Variants in PALM2AKAP2 observed in about 807,000 individuals in gnomAD.
The protein encoded by PALM2AKAP2 is PALM2 and AKAP2 fusion.
Under a neutral mutation model 71.5 loss-of-function variants are expected in PALM2AKAP2, and 37 were observed. The observed-to-expected ratio is 0.52, with a 90% confidence interval of 0.40 to 0.68. The LOEUF (loss-of-function observed/expected upper bound fraction) is 0.68, where lower values mean the gene tolerates loss of function less well. PALM2AKAP2 is among the 30% of genes least tolerant of loss of function. The pLI is 0.00. For missense variants in PALM2AKAP2, 1,224 were observed against 1,191.8 expected, an observed-to-expected ratio of 1.03 and a Z score of -0.40; for synonymous variants, 468 against 478.8, an observed-to-expected ratio of 0.98 and a Z score of 0.29.
chr9:109,659,155 TGAA>T (rs1827351266), intron 1 of PALM2AKAP2, among the ~76,000 whole-genome samples: 1 of 152,010 alleles, frequency 6.6e-6, no homozygotes, highest in Admixed American at 6.6e-5. Context: ...TTTTTGTGTG[TGAA>T]GGAGGGATTG....
intron 5 of PALM2AKAP2, among the ~76,000 whole-genome samples, chr9:109,931,038 G>A (rs752669235): frequency 4.6e-5 from 7 of 152,218 alleles, no homozygotes; most frequent in Non-Finnish European, 8.8e-5. Flanking sequence ...TGATATGGTC[G>A]TGATGCAAGG....
chr9:109,702,170 A>G (rs10739283), intron 1 of PALM2AKAP2, among the ~76,000 whole-genome samples: 150,514 of 151,982 alleles, frequency 0.99, 74,536 homozygotes, highest in East Asian at 1. Context: ...AACCATTGTG[A>G]AAGTCAGTGT....
At chr9:110,156,985 A>G (rs1283866662) in intron 3 of PALM2AKAP2, among the ~76,000 whole-genome samples, 1 of 152,210 alleles carries the variant, frequency 6.6e-6, no homozygotes, top group South Asian at 2.1e-4. Context: ...GGGGCTGTTA[A>G]CAAGCCCATG....
intron 1 of PALM2AKAP2, among the ~76,000 whole-genome samples, chr9:109,844,956 T>TGTGTGTGTGC (rs1587954381): frequency 1.3e-5 from 2 of 148,956 alleles, no homozygotes; most frequent in African/African-American, 5.1e-5. Flanking sequence ...TGTGTGTGTG[T>TGTGTGTGTGC]GTGCATGTGC....
At chr9:109,954,506 A>T (rs562172780) in intron 6 of PALM2AKAP2, among the ~76,000 whole-genome samples, 4 of 76,386 alleles carry the variant, frequency 5.2e-5, no homozygotes, top group South Asian at 5.0e-4. Flanking sequence ...TGGGGACTGT[A>T]GTGGGGTGGG....
chr9:109,732,514 T>A (rs1366049949), intron 1 of PALM2AKAP2, among the ~76,000 whole-genome samples: 1 of 152,188 alleles, frequency 6.6e-6, no homozygotes, highest in African/African-American at 2.4e-5. Context: ...ATTAGATTGA[T>A]GGGTGGTGGG....
chr9:109,772,714 T>C (rs1202182716), intron 1 of PALM2AKAP2, among the ~76,000 whole-genome samples: 1 of 152,256 alleles, frequency 6.6e-6, no homozygotes, highest in Admixed American at 6.5e-5. Flanking sequence ...CATTTTCATT[T>C]ACTGGCTTGA....
intron 1 of PALM2AKAP2, among the ~76,000 whole-genome samples, chr9:109,686,681 ATTTT>A (rs1386972007): frequency 6.6e-6 from 1 of 151,562 alleles, no homozygotes; most frequent in Non-Finnish European, 1.5e-5. Flanking sequence ...TTTGCAATTT[ATTTT>A]TTTTATTATA....
intron 1 of PALM2AKAP2, among the ~76,000 whole-genome samples, chr9:109,719,875 T>G (rs1345893959): frequency 6.6e-6 from 1 of 152,228 alleles, no homozygotes; most frequent in African/African-American, 2.4e-5. Flanking sequence ...TGGCATAGCC[T>G]AGCCCAACAG....
intron 1 of PALM2AKAP2, among the ~76,000 whole-genome samples, chr9:109,756,499 T>C (rs1414027662): frequency 6.6e-6 from 1 of 152,204 alleles, no homozygotes; most frequent in African/African-American, 2.4e-5. Context: ...TTTATAGACA[T>C]GTTCATTGGC....
chr9:109,819,705 ATG>A (rs57864589), intron 1 of PALM2AKAP2, among the ~76,000 whole-genome samples: 319 of 140,614 alleles, frequency 2.3e-3, no homozygotes, highest in Middle Eastern at 7.2e-3. Flanking sequence ...GTGTGTGTGT[ATG>A]TGTGTGTGTG....
intron 1 of PALM2AKAP2, among the ~76,000 whole-genome samples, chr9:109,698,843 G>A (rs1039810969): frequency 6.6e-6 from 1 of 152,196 alleles, no homozygotes; most frequent in South Asian, 2.1e-4. Context: ...AGTGAATATA[G>A]TATCTAGCCT....
At chr9:109,661,866 T>C (rs1827402070) in intron 1 of PALM2AKAP2, among the ~76,000 whole-genome samples, 1 of 152,218 alleles carries the variant, frequency 6.6e-6, no homozygotes, top group African/African-American at 2.4e-5. Context: ...TAATTCTCCT[T>C]GAAGAGGTCC....
intron 1 of PALM2AKAP2, among the ~76,000 whole-genome samples, chr9:109,774,885 G>A (rs761529875): frequency 1.3e-5 from 2 of 152,158 alleles, no homozygotes; most frequent in Non-Finnish European, 2.9e-5. Context: ...CAGAGTTCCT[G>A]TCTTTTCTGT....
rs965993023 is a variant in PALM2AKAP2 at position 110,058,214 on chromosome 9, T to C, written c.156+9359T>C. ...AGGAAGTAGATCTTAAAGGAGTTGATACAAATTGCAGTGTGCTATGCAAAT... is the reference window on the plus strand; with the variant it reads ...AGGAAGTAGATCTTAAAGGAGTTGACACAAATTGCAGTGTGCTATGCAAAT... On this transcript the variant is annotated intron_variant, in intron 1 of 3. Transcript: ENST00000374525. Among the ~76,000 whole-genome samples the C allele has an allele frequency of 3.9e-4, 60 of 152,200 alleles. 1 individual carries two copies. Among genetic ancestry groups the C allele is most frequent in the African/African-American group, 1.4e-3 (56 of 41,442 alleles).
intron 1 of PALM2AKAP2, among the ~76,000 whole-genome samples, chr9:109,860,990 A>G (rs1355331344): frequency 6.6e-6 from 1 of 152,172 alleles, no homozygotes; most frequent in Non-Finnish European, 1.5e-5. Flanking sequence ...AATTTAATAT[A>G]TTTTCTTTAC....
intron 1 of PALM2AKAP2, among the ~76,000 whole-genome samples, chr9:109,860,379 C>A (rs1761209723): frequency 6.6e-6 from 1 of 152,168 alleles, no homozygotes; most frequent in South Asian, 2.1e-4. Context: ...TGGGTCCCCA[C>A]TTGCAAGTTG....
chr9:109,871,622 C>T (rs551736254), intron 2 of PALM2AKAP2, among the ~76,000 whole-genome samples: 2 of 152,172 alleles, frequency 1.3e-5, no homozygotes, highest in African/African-American at 2.4e-5. Flanking sequence ...CTTTTTTCCC[C>T]GATATATTTC....
chr9:110,082,060 C>G (rs769722170), intron 1 of PALM2AKAP2, among the ~76,000 whole-genome samples: 1 of 151,776 alleles, frequency 6.6e-6, no homozygotes, highest in Non-Finnish European at 1.5e-5. Flanking sequence ...TGAATATATC[C>G]CAAGGTAGTG....
Sources: allele counts gnomAD v4.1 joint callset (sites outside exome capture counted in the v4.1 genomes callset), GRCh38; gene constraint gnomAD v4.1.1; transcripts MANE v1.5; gene names NCBI Gene and HGNC (gene_info 2026-07-23, HGNC 2026-07-21).